PAM: variants seen among roughly 807,000 people sequenced by gnomAD.
PAM encodes peptidyl-glycine alpha-amidating monooxygenase.
PAM carries 72 observed loss-of-function variants against 122.1 expected under a neutral mutation model. The observed-to-expected ratio is 0.59, with a 90% CI of 0.49 to 0.72. The LOEUF is 0.72. Among genes scored for constraint, PAM ranks in the 30% least tolerant of loss-of-function variants. The pLI is 0.00. For missense variants in PAM, 1,106 were observed against 1,183.7 expected (o/e 0.93, Z 0.96); for synonymous variants, 389 against 404.4 (o/e 0.96, Z 0.46).
At chr5:102,845,696 C>T (rs1360259889) in intron 1 of PAM, among the ~76,000 whole-genome samples, 1 of 152,118 alleles carries the variant, frequency 6.6e-6, no homozygotes. Context: ...AGCATGAAAA[C>T]ATCGTGCTGA....
chr5:102,930,475 G>A (rs1202078588), intron 7 of PAM, among the ~76,000 whole-genome samples: 4 of 152,162 alleles, frequency 2.6e-5, no homozygotes, highest in African/African-American at 4.8e-5. Context: ...AAAGGTAAAA[G>A]TAGATGCAGA....
chr5:102,866,487 T>A, intron 2 of PAM: 3 of 563,374 alleles, frequency 5.3e-6, no homozygotes, highest in Middle Eastern at 5.6e-4. Flanking sequence ...CTTTCAAAAC[T>A]CCAATTAGAA....
Position 102,865,926 on chromosome 5 carries a change from C to G in PAM, c.-270C>G, listed in dbSNP as rs988822734. 1.6e-5 allele frequency: 6 copies of G among 378,940 alleles called. No individual in the cohort carries two copies. The highest frequency in any genetic ancestry group is 2.8e-5 in the Non-Finnish European group (6 of 215,112). The allele number at this position is 378,940 out of a possible 1,614,324, so 23.5% of individuals were successfully genotyped here. On this transcript the variant is annotated 5_prime_UTR_variant, in exon 2 of 26. Coordinates refer to ENST00000438793, the MANE Select transcript of PAM (RefSeq NM_001177306.2). The stretch of plus-strand genomic sequence containing the variant: ...CGTCTAGCCCCAGCGCCAGGGCACG[C>G]GAGCGGCGCTGGAGGGAGGAAAGCT...
chr5:102,820,144 TCAC>T (rs1771308597), intron 1 of PAM, among the ~76,000 whole-genome samples: 1 of 152,216 alleles, frequency 6.6e-6, no homozygotes, highest in African/African-American at 2.4e-5. Context: ...TAGCATAAAA[TCAC>T]CACATCTTGG....
chr5:102,952,917 T>A (rs1219368674), intron 12 of PAM, among the ~76,000 whole-genome samples: 1 of 152,140 alleles, frequency 6.6e-6, no homozygotes, highest in Non-Finnish European at 1.5e-5. Flanking sequence ...GGACACAGAT[T>A]TGAGCCCCGA....
At chr5:102,864,877 T>C (rs1018144827) in intron 1 of PAM, among the ~76,000 whole-genome samples, 3 of 152,224 alleles carry the variant, frequency 2.0e-5, no homozygotes, top group Non-Finnish European at 4.4e-5. Flanking sequence ...TTTGATAACA[T>C]AGTTTTAAAT....
chr5:102,952,702 G>C (rs1759347797), intron 12 of PAM, among the ~76,000 whole-genome samples: 1 of 152,078 alleles, frequency 6.6e-6, no homozygotes, highest in Admixed American at 6.6e-5. Context: ...AATAACAACA[G>C]CAATGTGTCT....
chr5:103,025,091 T>C, intron 23 of PAM, 40 bp from the exon 24 acceptor site: 1 of 1,458,000 alleles, frequency 6.9e-7, no homozygotes, highest in Non-Finnish European at 9.6e-7. Context: ...TTTGAAATCT[T>C]TGAGTCAGTT....
intron 3 of PAM, among the ~76,000 whole-genome samples, chr5:102,892,289 G>A (rs1794977908): frequency 6.6e-6 from 1 of 151,848 alleles, no homozygotes; most frequent in Non-Finnish European, 1.5e-5. Flanking sequence ...TGACAAAGCT[G>A]AAAGATGGAA....
At chr5:102,849,191 A>G (rs1462500979) in intron 1 of PAM, among the ~76,000 whole-genome samples, 5 of 152,156 alleles carry the variant, frequency 3.3e-5, no homozygotes, top group Admixed American at 3.3e-4. Flanking sequence ...AAACACAATC[A>G]TGGATATAGC....
At chr5:102,765,425 G>A (rs562166888) in intron 1 of PAM, among the ~76,000 whole-genome samples, 1 of 152,202 alleles carries the variant, frequency 6.6e-6, no homozygotes, top group Non-Finnish European at 1.5e-5. Context: ...ATTTTAGGTG[G>A]GTGTAGTCCA....
rs562280235 is a variant in PAM at position 102,944,679 on chromosome 5, C to G, written c.527-2158C>G. ...CAAGGAGTGCATTGTTACTAAAAGT[C>G]ATGGAAGGACCCTGAAACATTATCA... On this transcript the variant is annotated intron_variant, in intron 7 of 25. Transcript: ENST00000438793. Among the ~76,000 whole-genome samples the G allele has an allele frequency of 2.0e-5, 3 of 152,208 alleles. No individual in the cohort carries two copies. The East Asian group carries it at 5.8e-4, about 29-fold the overall frequency.
chr5:102,817,220 C>A (rs1770171069), intron 1 of PAM, among the ~76,000 whole-genome samples: 1 of 152,024 alleles, frequency 6.6e-6, no homozygotes, highest in African/African-American at 2.4e-5. Context: ...ATTAACTAAT[C>A]CCTTGTAGTT....
chr5:103,008,091 T>C (rs1779565992), intron 20 of PAM, among the ~76,000 whole-genome samples: 1 of 152,124 alleles, frequency 6.6e-6, no homozygotes, highest in African/African-American at 2.4e-5. Context: ...GTGTGGCTTA[T>C]GCCTAAATAC....
intron 3 of PAM, 133 bp downstream of exon 3, chr5:102,867,526 A>G (rs1785996738): frequency 1.9e-6 from 1 of 513,082 alleles, no homozygotes; most frequent in Non-Finnish European, 3.4e-6. Flanking sequence ...AGCTAAGGCT[A>G]GAATAATTGA....
intron 12 of PAM, 58 bp from the exon 13 acceptor site, chr5:102,959,817 C>A: frequency 8.7e-7 from 1 of 1,150,930 alleles, no homozygotes; most frequent in Non-Finnish European, 1.3e-6. Flanking sequence ...ATTTTTCTTG[C>A]ATTAAGCATG....
intron 3 of PAM, among the ~76,000 whole-genome samples, chr5:102,898,287 G>T (rs890141289): frequency 8.6e-5 from 13 of 151,436 alleles, no homozygotes; most frequent in African/African-American, 2.9e-4. Flanking sequence ...TTAGCAGTTT[G>T]AATCTTTAGT....
In PAM at chr5:102,831,391, C is replaced by G. The variant is rs1290540522; in HGVS notation, c.-373-34432C>G. ...TGAAAGAGAAATGTAGCTTCATATG[C>G]ATATCTTTTAAGTATGACCCTTCAT... On this transcript the variant is annotated intron_variant, in intron 1 of 25. Coordinates refer to ENST00000438793, the MANE Select transcript of PAM (RefSeq NM_001177306.2). Among the ~76,000 whole-genome samples the G allele has an allele frequency of 2.0e-5, 3 of 151,818 alleles. No homozygotes were observed. The East Asian group carries it at 5.8e-4, about 29-fold the overall frequency.
chr5:102,902,933 TAA>T (rs1798420854), intron 4 of PAM, among the ~76,000 whole-genome samples: 1 of 151,480 alleles, frequency 6.6e-6, no homozygotes, highest in Non-Finnish European at 1.5e-5. Flanking sequence ...GTAAGGACTA[TAA>T]ATATATATCC....
Sources: gnomAD v4.1 joint callset for allele counts (sites outside exome capture counted in the v4.1 genomes callset) on GRCh38, gnomAD v4.1.1 for gene constraint, MANE v1.5 for transcripts, NCBI Gene and HGNC (gene_info 2026-07-23, HGNC 2026-07-21) for gene names.